RBFOX2: variants seen among roughly 807,000 people sequenced by gnomAD.
RBFOX2 encodes RNA binding protein fox-1 homolog 2.
In RBFOX2, 10 loss-of-function variants were observed where a neutral mutation model predicts 49.1. The observed-to-expected ratio is 0.20, with a 90% CI of 0.13 to 0.35. RBFOX2 has a LOEUF of 0.35. Ranked by LOEUF, RBFOX2 falls within the 10% of genes least tolerant of loss-of-function variation. The pLI is 1.00. For missense variants in RBFOX2, 323 were observed against 486.9 expected (o/e 0.66, Z 3.17); for synonymous variants, 183 against 187.4 (o/e 0.98, Z 0.19).
At chr22:35,802,042 T>C (rs567103301) in intron 2 of RBFOX2, among the ~76,000 whole-genome samples, 1 of 152,288 alleles carries the variant, frequency 6.6e-6, no homozygotes, top group South Asian at 2.1e-4. Flanking sequence ...GTTATCTCTT[T>C]AGGAACTCAA....
At chr22:35,746,795 T>C in intron 9 of RBFOX2, 1 of 378,110 alleles carries the variant, frequency 2.6e-6, no homozygotes, top group Non-Finnish European at 4.7e-6. Flanking sequence ...TTTGTGATAG[T>C]ATTAAAAGTA....
Position 35,854,212 on chromosome 22 carries a change from C to CTAATAA in RBFOX2, c.-33-44214_-33-44209dup, listed in dbSNP as rs145238669. ...GGGCAACGAAAGCAAAACTCTGTCT[C>CTAATAA]TAATAATAATAATAATAATAATACG... On this transcript the variant is annotated intron_variant, in intron 1 of 13. Transcript: ENST00000359369. Among the ~76,000 whole-genome samples, 1,324 of 150,980 alleles carry CTAATAA rather than the reference C, an allele frequency of 8.8e-3. 20 individuals are homozygous for CTAATAA. Among genetic ancestry groups the CTAATAA allele is most frequent in the African/African-American group, 0.027 (1,099 of 41,160 alleles).
At chr22:36,027,723 C>T (rs2059500789) in intron 1 of RBFOX2, among the ~76,000 whole-genome samples, 1 of 152,272 alleles carries the variant, frequency 6.6e-6, no homozygotes, top group South Asian at 2.1e-4. Context: ...TGATTTAACC[C>T]ACAATCTCAG....
intron 1 of RBFOX2, among the ~76,000 whole-genome samples, chr22:35,881,046 C>CTTGA: frequency 6.6e-6 from 1 of 151,640 alleles, no homozygotes; most frequent in East Asian, 1.9e-4. Flanking sequence ...GGGCGGATCA[C>CTTGA]GAGGTCAGGA....
At chr22:35,993,812 C>A (rs2058074528) in intron 1 of RBFOX2, 1 of 152,074 alleles carries the variant, frequency 6.6e-6, no homozygotes, top group African/African-American at 2.4e-5. Context: ...CATGGTAAAA[C>A]CCCTTCTCTA....
At chr22:35,937,301 T>G (rs1186736660) in intron 1 of RBFOX2, among the ~76,000 whole-genome samples, 2 of 152,180 alleles carry the variant, frequency 1.3e-5, no homozygotes, top group East Asian at 3.9e-4. Flanking sequence ...CAAACCAGAA[T>G]GAAAAACAAA....
chr22:35,977,722 C>CTATAGATATAGATA (rs1289842750), intron 1 of RBFOX2, among the ~76,000 whole-genome samples: 1 of 80,842 alleles, frequency 1.2e-5, no homozygotes, highest in African/African-American at 4.8e-5. Flanking sequence ...CCTGAATGAA[C>CTATAGATATAGATA]TATATATATA....
intron 9 of RBFOX2, among the ~76,000 whole-genome samples, chr22:35,754,610 A>G (rs1602164326): frequency 6.6e-6 from 1 of 152,234 alleles, no homozygotes; most frequent in East Asian, 1.9e-4. Flanking sequence ...ACATGCTAAC[A>G]TCATATGTAA....
At chr22:36,010,508 C>T (rs1473852972) in intron 1 of RBFOX2, among the ~76,000 whole-genome samples, 1 of 152,030 alleles carries the variant, frequency 6.6e-6, no homozygotes, top group African/African-American at 2.4e-5. Flanking sequence ...GAGAGTGAGA[C>T]ACAACCCCAC....
intron 9 of RBFOX2, among the ~76,000 whole-genome samples, chr22:35,755,777 C>A (rs1230661669): frequency 6.6e-6 from 1 of 151,970 alleles, no homozygotes; most frequent in Non-Finnish European, 1.5e-5. Flanking sequence ...AGACTTTAAA[C>A]CTGCTGATCA....
chr22:35,992,366 T>G (rs1001793958), intron 1 of RBFOX2: 1 of 152,114 alleles, frequency 6.6e-6, no homozygotes, highest in Admixed American at 6.6e-5. Flanking sequence ...ATGACAAAGA[T>G]GACAAGGATA....
In RBFOX2 at chr22:35,830,854, GAGAA is replaced by G. The variant is rs546341921; in HGVS notation, c.27+9334_27+9337del. Among the ~76,000 whole-genome samples, 13 of 152,224 alleles carry G rather than the reference GAGAA, an allele frequency of 8.5e-5. No homozygotes were observed. In the South Asian group the frequency reaches 2.5e-3, roughly 29 times the overall value. ...AGGTATAAAATACAGCATATGGAGGGAGAAAGGAAGTAAAGAAGGAGAAGAATCT... is the reference window on the plus strand; with the variant it reads ...AGGTATAAAATACAGCATATGGAGGGAGGAAGTAAAGAAGGAGAAGAATCT... On this transcript the variant is annotated intron_variant, in intron 1 of 11. Coordinates refer to ENST00000405409, the Ensembl canonical transcript of RBFOX2.
chr22:36,020,698 A>G (rs1001360035), intron 1 of RBFOX2, among the ~76,000 whole-genome samples: 1 of 152,212 alleles, frequency 6.6e-6, no homozygotes, highest in Non-Finnish European at 1.5e-5. Context: ...ACAATGAGAT[A>G]CCATCTCACA....
At chr22:36,010,140 G>A (rs2058761313) in intron 1 of RBFOX2, among the ~76,000 whole-genome samples, 1 of 152,090 alleles carries the variant, frequency 6.6e-6, no homozygotes. Context: ...GTAGAATGCA[G>A]GCAGTATAGT....
chr22:35,894,786 C>A (rs1326321014), intron 1 of RBFOX2, among the ~76,000 whole-genome samples: 3 of 152,010 alleles, frequency 2.0e-5, no homozygotes, highest in African/African-American at 7.3e-5. Flanking sequence ...CAAGTGCAAA[C>A]CCTCACCCAC....
At chr22:35,944,964 AAAAC>A (rs1256608010) in intron 1 of RBFOX2, among the ~76,000 whole-genome samples, 1 of 152,134 alleles carries the variant, frequency 6.6e-6, no homozygotes, top group Non-Finnish European at 1.5e-5. Flanking sequence ...CGACAACAAA[AAAAC>A]AAATCCACAA....
intron 1 of RBFOX2, among the ~76,000 whole-genome samples, chr22:35,872,457 G>A (rs1255216851): frequency 6.6e-6 from 1 of 152,198 alleles, no homozygotes; most frequent in Non-Finnish European, 1.5e-5. Context: ...CCGGGTTCTT[G>A]CTTTGGTGTA....
chr22:35,788,195 T>C (rs1946820855), intron 2 of RBFOX2, among the ~76,000 whole-genome samples: 2 of 152,230 alleles, frequency 1.3e-5, no homozygotes, highest in Admixed American at 6.5e-5. Context: ...ATATTTTAAC[T>C]ATACATTGTC....
chr22:36,017,053 C>G lies in RBFOX2; in HGVS notation c.186+11187G>C, dbSNP rs140442800. Among the ~76,000 whole-genome samples, 86 of 152,204 alleles carry G rather than the reference C, an allele frequency of 5.7e-4. 1 individual carries two copies. The highest frequency in any genetic ancestry group is 3.7e-3 in the South Asian group (18 of 4,818). On this transcript the variant is annotated intron_variant, in intron 1 of 13. Transcript: ENST00000438146. ...CCAAACCAGAAGCTGAAAGTGAAGT[C>G]GGAGGGGAGAACAACAGCCAGAGAG...
Sources: gnomAD v4.1 joint callset for allele counts (sites outside exome capture counted in the v4.1 genomes callset) on GRCh38, gnomAD v4.1.1 for gene constraint, MANE v1.5 for transcripts, NCBI Gene and HGNC (gene_info 2026-07-23, HGNC 2026-07-21) for gene names.